NR5A2: variants seen among roughly 807,000 people sequenced by gnomAD.
NR5A2 encodes CYP7A promoter-binding factor.
In NR5A2, 26 loss-of-function variants were observed where a neutral mutation model predicts 62.7. The observed-to-expected ratio is 0.41, with a 90% CI of 0.30 to 0.58. The LOEUF (loss-of-function observed/expected upper bound fraction) is 0.58. Among genes scored for constraint, NR5A2 ranks in the 20% least tolerant of loss-of-function variants. The probability of loss-of-function intolerance (pLI) is 0.22; values close to 1 mark genes in which losing one functional copy is unlikely to be tolerated. For missense variants in NR5A2, 541 were observed against 669.1 expected (o/e 0.81, Z 2.11); for synonymous variants, 246 against 241.7 (o/e 1.02, Z -0.16).
intron 7 of NR5A2, among the ~76,000 whole-genome samples, chr1:200,156,264 A>G (rs1653379542): frequency 6.6e-6 from 1 of 152,264 alleles, no homozygotes; most frequent in African/African-American, 2.4e-5. Flanking sequence ...TGGGAACGTC[A>G]GCAAACCTGC....
rs556631507 is a variant in NR5A2 at position 200,159,225 on chromosome 1, C to G, written c.1379-14738C>G. Among the ~76,000 whole-genome samples the G allele has an allele frequency of 2.6e-4, 40 of 152,218 alleles. No homozygotes were observed. The South Asian group carries it at 7.1e-3, about 27-fold the overall frequency. On this transcript the variant is annotated intron_variant, in intron 7 of 7. Transcript: ENST00000367362. ...TTTGATTCTTTTAAAATCATGAATACTTGTTCTTTCAAACAACAAATATAT... is the reference window on the plus strand; with the variant it reads ...TTTGATTCTTTTAAAATCATGAATAGTTGTTCTTTCAAACAACAAATATAT...
chr1:200,070,093 G>A (rs1663668263), intron 5 of NR5A2, among the ~76,000 whole-genome samples: 2 of 152,094 alleles, frequency 1.3e-5, no homozygotes, highest in South Asian at 2.1e-4. Flanking sequence ...CATTTGTGAG[G>A]TAGTTTGACT....
At chr1:200,115,048 TTTAG>T (rs58533581) in intron 6 of NR5A2, among the ~76,000 whole-genome samples, 95 of 151,678 alleles carry the variant, frequency 6.3e-4, no homozygotes, top group Non-Finnish European at 1.0e-3. Flanking sequence ...TTTTTTGTGG[TTTAG>T]TTAGTTAGTA....
intron 5 of NR5A2, among the ~76,000 whole-genome samples, chr1:200,091,072 A>G (rs981657776): frequency 2.6e-5 from 4 of 152,120 alleles, no homozygotes; most frequent in Non-Finnish European, 4.4e-5. Flanking sequence ...TGGCCCCAAG[A>G]CAATTAAGAG....
At chr1:200,108,258 C>T (rs1211185787) in intron 5 of NR5A2, among the ~76,000 whole-genome samples, 1 of 151,832 alleles carries the variant, frequency 6.6e-6, no homozygotes, top group East Asian at 1.9e-4. Context: ...CTAATTTTTA[C>T]ATTTTTTTGT....
rs560781922 is a variant in NR5A2 at position 200,107,447 on chromosome 1, A to G, written c.1111-3755A>G. Among the ~76,000 whole-genome samples, 10 of 152,324 alleles carry G rather than the reference A, an allele frequency of 6.6e-5. No homozygotes were observed. In the South Asian group the frequency reaches 2.1e-3, roughly 32 times the overall value. ...GGGAGATTATAGGAGATGCCGTGTT[A>G]GACACAAAGGAAGACAGGATAATGT... On this transcript the variant is annotated intron_variant, in intron 5 of 7. Transcript: ENST00000367362.
intron 5 of NR5A2, among the ~76,000 whole-genome samples, chr1:200,053,251 A>G (rs1344206328): frequency 1.1e-4 from 16 of 152,176 alleles, no homozygotes; most frequent in Admixed American, 9.8e-4. Flanking sequence ...ACACTTGTAA[A>G]GGACAATTCT....
chr1:200,097,073 T>C (rs2102266139), intron 5 of NR5A2, among the ~76,000 whole-genome samples: 1 of 152,310 alleles, frequency 6.6e-6, no homozygotes, highest in South Asian at 2.1e-4. Context: ...TTCTTCTTTC[T>C]CTGAAAAATG....
chr1:200,170,397 AT>A (rs1654117365), intron 7 of NR5A2, among the ~76,000 whole-genome samples: 1 of 152,198 alleles, frequency 6.6e-6, no homozygotes, highest in African/African-American at 2.4e-5. Context: ...AAAAGTATGC[AT>A]TTTCATCAAA....
Position 200,038,848 on chromosome 1 carries a change from G to T in NR5A2, c.65-810G>T, listed in dbSNP as rs1271413859. The T allele has an allele frequency of 9.1e-6, 9 of 990,058 alleles. No homozygotes were observed. In the East Asian group the frequency reaches 5.9e-4, roughly 65 times the overall value. 61.3% of individuals were successfully genotyped at this position (990,058 alleles called of 1,614,324 possible). ...GGAGGGGGTGAGGCGGGGTGAAGAGGTTGGGGCAGGCCGGGGGACTGGAGC... is the reference window on the plus strand; with the variant it reads ...GGAGGGGGTGAGGCGGGGTGAAGAGTTTGGGGCAGGCCGGGGGACTGGAGC... On this transcript the variant is annotated intron_variant, in intron 1 of 7. Transcript: ENST00000367362.
At position 200,048,634 on chromosome 1, in the gene NR5A2, T is replaced by C. The variant is rs746807933; in HGVS notation, c.926T>C (p.Leu309Ser). ...ATCCCACATCTGATACTGGAACTTTTGAAGTGTGAGCCAGATGAGCCTCAA... is the reference window on the plus strand; with the variant it reads ...ATCCCACATCTGATACTGGAACTTTCGAAGTGTGAGCCAGATGAGCCTCAA... ...ASIPHLILELLKCEPDEPQVQ... is the reference protein window; with the variant it reads ...ASIPHLILELSKCEPDEPQVQ... Residue 309 changes from leucine (L) to serine (S), a missense_variant, in exon 5 of 8, where the codon TTG (leucine) becomes TCG (serine). By Grantham distance (145) the Leu-to-Ser change is moderately radical (BLOSUM62 -2). This residue lies in a region of NR5A2 where 379 missense variants were observed against 442.0 expected (regional missense o/e 0.86). Coordinates refer to ENST00000367362, the MANE Select transcript of NR5A2 (RefSeq NM_205860.3). The surrounding 1 kb of genome is among the most constrained non-coding windows in gnomAD (Gnocchi z 4.8). 6.2e-7 allele frequency: 1 copy of C among 1,614,192 alleles called. No homozygotes were observed. The highest frequency in any genetic ancestry group is 2.2e-5 in the East Asian group (1 of 44,886).
At chr1:200,112,573 C>A (rs1242674059) in intron 6 of NR5A2, among the ~76,000 whole-genome samples, 7 of 152,154 alleles carry the variant, frequency 4.6e-5, no homozygotes, top group Admixed American at 2.0e-4. Flanking sequence ...TCAAAATTTC[C>A]CAATCAAATT....
intron 5 of NR5A2, among the ~76,000 whole-genome samples, chr1:200,062,227 TTGTGTGTGTG>T (rs6143563): frequency 8.9e-5 from 13 of 145,666 alleles, no homozygotes; most frequent in East Asian, 4.1e-4. Flanking sequence ...CTGGCAGATT[TTGTGTGTGTG>T]TGTGTGTGTG....
intron 7 of NR5A2, among the ~76,000 whole-genome samples, chr1:200,161,112 G>A (rs1267216247): frequency 6.6e-6 from 1 of 152,076 alleles, no homozygotes; most frequent in Non-Finnish European, 1.5e-5. Context: ...GACCAGCCAA[G>A]GCAGCTGCAA....
Position 200,048,275 on chromosome 1 carries a change from T to G in NR5A2, c.567T>G (p.Asn189Lys). 1 of 1,613,602 alleles carries G rather than the reference T, an allele frequency of 6.2e-7. No homozygotes were observed. Among genetic ancestry groups the G allele is most frequent in the African/African-American group, 1.3e-5 (1 of 74,840 alleles). ...KQQKKALIRA[N>K]GLKLEAMSQV... Reference sequence around the variant, plus strand: ...AGAAAAAAGCCCTCATCCGAGCCAATGGACTTAAGCTAGAAGCCATGTCTC... The same window carrying G: ...AGAAAAAAGCCCTCATCCGAGCCAAGGGACTTAAGCTAGAAGCCATGTCTC... The change falls in exon 5 of 8, where the codon AAT (asparagine) becomes AAG (lysine). Residue 189 changes from asparagine to lysine, a missense_variant. Asn to Lys is a moderately conservative substitution (Grantham distance 94). Coordinates refer to ENST00000367362, the MANE Select transcript of NR5A2 (RefSeq NM_205860.3). The surrounding 1 kb of genome is among the most constrained non-coding windows in gnomAD (Gnocchi z 4.8).
intron 5 of NR5A2, among the ~76,000 whole-genome samples, chr1:200,056,368 A>G (rs12737211): frequency 0.08 from 12,103 of 152,220 alleles, 644 homozygotes; most frequent in Middle Eastern, 0.17. Flanking sequence ...CAAAACTCCC[A>G]TGCATTAGTT....
At chr1:200,073,720 A>G (rs904013753) in intron 5 of NR5A2, among the ~76,000 whole-genome samples, 2 of 151,972 alleles carry the variant, frequency 1.3e-5, no homozygotes, top group Admixed American at 6.6e-5. Context: ...ACACATATGC[A>G]CACACATCTT....
At chr1:200,097,277 C>T (rs1665145345) in intron 5 of NR5A2, among the ~76,000 whole-genome samples, 1 of 151,766 alleles carries the variant, frequency 6.6e-6, no homozygotes, top group Non-Finnish European at 1.5e-5. Context: ...TTTTTATTGC[C>T]ACTCCTCCTC....
chr1:200,138,296 C>T (rs935496006), intron 7 of NR5A2, among the ~76,000 whole-genome samples: 3 of 152,064 alleles, frequency 2.0e-5, no homozygotes, highest in Non-Finnish European at 2.9e-5. Flanking sequence ...CATTTCTAGG[C>T]GTAGTAAATG....
Sources: gnomAD v4.1 joint callset for allele counts (sites outside exome capture counted in the v4.1 genomes callset) on GRCh38, gnomAD v4.1.1 for gene constraint, gnomAD v4.1.1 regional missense constraint, Gnocchi (gnomAD v3.1) non-coding constraint, MANE v1.5 for transcripts, NCBI Gene and HGNC (gene_info 2026-07-23, HGNC 2026-07-21) for gene names.